Variants in DRC8 observed in about 807,000 individuals in gnomAD.
DRC8 encodes dynein regulatory complex subunit 8.
At chr1:244,987,021 C>T in the DRC8 span, among the ~76,000 whole-genome samples, 8,181 of 152,196 alleles carry the variant, frequency 0.054, 337 homozygotes, top group Non-Finnish European at 0.082. Context: ...CTTGTGCCTC[C>T]GTAGGGCTGT....
chr1:245,048,340 T>C, the DRC8 span, among the ~76,000 whole-genome samples: 81 of 152,316 alleles, frequency 5.3e-4, no homozygotes, highest in African/African-American at 1.9e-3. Flanking sequence ...TATTTTGTTA[T>C]GAAACTGAGG....
At chr1:245,085,884 G>A in the DRC8 span, among the ~76,000 whole-genome samples, 1 of 152,232 alleles carries the variant, frequency 6.6e-6, no homozygotes, top group Non-Finnish European at 1.5e-5. Context: ...CAGGATCCAT[G>A]GGTCATGATG....
At chr1:245,105,569 G>A in the DRC8 span, among the ~76,000 whole-genome samples, 1 of 139,880 alleles carries the variant, frequency 7.1e-6, no homozygotes, top group South Asian at 2.2e-4. Context: ...GTTGCAGTGA[G>A]CCATGATCAC....
At chr1:244,977,088 A>G in the DRC8 span, among the ~76,000 whole-genome samples, 1 of 152,202 alleles carries the variant, frequency 6.6e-6, no homozygotes, top group African/African-American at 2.4e-5. Context: ...AGAGAAGTCA[A>G]ATTCATGGAG....
the DRC8 span, chr1:244,970,599 C>G: frequency 1.2e-6 from 1 of 867,246 alleles, no homozygotes; most frequent in East Asian, 3.5e-5. Flanking sequence ...CAGCAGCAGT[C>G]GCCCTGCCCC....
chr1:245,048,690 A>G, the DRC8 span, among the ~76,000 whole-genome samples: 3 of 152,008 alleles, frequency 2.0e-5, no homozygotes, highest in Non-Finnish European at 2.9e-5. Flanking sequence ...CTCTCTATAT[A>G]TGCACAAACA....
chr1:245,024,889 C>G, the DRC8 span, among the ~76,000 whole-genome samples: 1 of 152,152 alleles, frequency 6.6e-6, no homozygotes, highest in Non-Finnish European at 1.5e-5. Flanking sequence ...TCTCTTAAAA[C>G]TGTTTGTATT....
the DRC8 span, among the ~76,000 whole-genome samples, chr1:245,119,938 A>T: frequency 9.5e-5 from 5 of 52,804 alleles, no homozygotes; most frequent in African/African-American, 4.3e-4. Flanking sequence ...GTCTCAAAAA[A>T]AAATAAAAAA....
the DRC8 span, among the ~76,000 whole-genome samples, chr1:245,033,412 G>A: frequency 6.6e-6 from 1 of 151,624 alleles, no homozygotes; most frequent in East Asian, 2.0e-4. Context: ...AGGATATAAA[G>A]GATTATGGAT....
At chr1:245,054,642 T>C in the DRC8 span, among the ~76,000 whole-genome samples, 1 of 152,162 alleles carries the variant, frequency 6.6e-6, no homozygotes, top group East Asian at 1.9e-4. Flanking sequence ...CTTGGATCGT[T>C]CCTTGAATGT....
chr1:245,020,613 C>CTTTT, the DRC8 span, among the ~76,000 whole-genome samples: 217 of 59,674 alleles, frequency 3.6e-3, no homozygotes, highest in Non-Finnish European at 4.2e-3. Flanking sequence ...GTTTTTCTTT[C>CTTTT]TTTTTTTTTT....
chr1:244,988,506 G>A, the DRC8 span, among the ~76,000 whole-genome samples: 3 of 152,052 alleles, frequency 2.0e-5, no homozygotes, highest in Non-Finnish European at 4.4e-5. Flanking sequence ...TTAATATTTA[G>A]GAAAGATGAT....
chr1:245,058,090 G>T, the DRC8 span, among the ~76,000 whole-genome samples: 4 of 151,968 alleles, frequency 2.6e-5, no homozygotes, highest in African/African-American at 9.7e-5. Context: ...GAGAATGTGC[G>T]ATTAGCCGTG....
At chr1:245,118,147 A>T in the DRC8 span, among the ~76,000 whole-genome samples, 1 of 152,176 alleles carries the variant, frequency 6.6e-6, no homozygotes, top group African/African-American at 2.4e-5. Context: ...CCGAGAACTG[A>T]AAGACCCTAG....
chr1:245,052,833 G>A, the DRC8 span, among the ~76,000 whole-genome samples: 3 of 152,238 alleles, frequency 2.0e-5, no homozygotes, highest in Non-Finnish European at 4.4e-5. Context: ...CGCAGCCACA[G>A]CTCAGACTGT....
At chr1:245,086,964 T>C in the DRC8 span, 4 of 535,090 alleles carry the variant, frequency 7.5e-6, no homozygotes, top group Non-Finnish European at 3.5e-6. Context: ...GTTCATGATG[T>C]CTGTATGTCT....
At chr1:245,053,681 G>A in the DRC8 span, among the ~76,000 whole-genome samples, 5 of 152,134 alleles carry the variant, frequency 3.3e-5, no homozygotes, top group African/African-American at 7.2e-5. Flanking sequence ...TTTGTGATTC[G>A]AGACTAGAGA....
At chr1:244,989,166 C>G in the DRC8 span, among the ~76,000 whole-genome samples, 1 of 152,120 alleles carries the variant, frequency 6.6e-6, no homozygotes, top group Non-Finnish European at 1.5e-5. Flanking sequence ...TGGGCACAAG[C>G]GATTCTCCCA....
chr1:245,118,518 G>C, the DRC8 span, among the ~76,000 whole-genome samples: 195 of 152,262 alleles, frequency 1.3e-3, 1 homozygote, highest in East Asian at 0.03. Flanking sequence ...TAAGCCGGGC[G>C]CAGTGGCTCA....
Sources: allele counts gnomAD v4.1 joint callset (sites outside exome capture counted in the v4.1 genomes callset), GRCh38; gene constraint gnomAD v4.1.1; transcripts MANE v1.5; gene names NCBI Gene and HGNC (gene_info 2026-07-23, HGNC 2026-07-21).